ACAT1: variants seen among roughly 807,000 people sequenced by gnomAD.
ACAT1 encodes the protein acetyl-CoA acetyltransferase 1.
Under a neutral mutation model 47.3 loss-of-function variants are expected in ACAT1, and 28 were observed. The ratio of observed to expected loss-of-function variants is 0.59; its 90% confidence interval spans 0.44 to 0.81. The LOEUF is 0.81. ACAT1 is among the 30% of genes least tolerant of loss of function. The pLI, the probability that ACAT1 is intolerant of heterozygous loss-of-function variation, is 0.00. For missense variants in ACAT1, 469 were observed against 524.3 expected (o/e 0.89, Z 1.03); for synonymous variants, 181 against 173.6 (o/e 1.04, Z -0.34).
At chr11:108,140,322 G>A in intron 7 of ACAT1, 107 bp downstream of exon 7, 1 of 1,359,442 alleles carries the variant, frequency 7.4e-7, no homozygotes, top group Middle Eastern at 2.4e-4. Context: ...AACTGCTTAT[G>A]GTTAATAAAA....
At chr11:108,143,935 TAAAAAA>T in intron 9 of ACAT1, 42 bp from the exon 10 acceptor site, 1 of 789,114 alleles carries the variant, frequency 1.3e-6, no homozygotes, top group East Asian at 4.1e-5. Flanking sequence ...TTCTATACAG[TAAAAAA>T]AAAAAGATTT....
intron 5 of ACAT1, chr11:108,138,652 C>A (rs1308863373): frequency 4.3e-6 from 2 of 468,416 alleles, no homozygotes; most frequent in Admixed American, 3.2e-5. Context: ...CTGCCTCAGC[C>A]TTCTAAAGTG....
chr11:108,129,117 A>C (rs1363025735), intron 1 of ACAT1: 1 of 152,018 alleles, frequency 6.6e-6, no homozygotes, highest in Non-Finnish European at 1.5e-5. Context: ...GCTCCCACTT[A>C]TGAGTGAGAA....
intron 1 of ACAT1, among the ~76,000 whole-genome samples, chr11:108,131,649 GC>G (rs1206194391): frequency 6.6e-6 from 1 of 151,924 alleles, no homozygotes; most frequent in Non-Finnish European, 1.5e-5. Context: ...ACCACGCCTG[GC>G]CAAGACTTGG....
At position 108,121,688 on chromosome 11, in the gene ACAT1, G is replaced by T. The variant is rs1324987267; in HGVS notation, c.72+10G>T. On this transcript the variant is annotated intron_variant, in intron 1 of 11. Coordinates refer to ENST00000265838, the MANE Select transcript of ACAT1 (RefSeq NM_000019.4). ...CCGGAGGCTGGTGCAGGTGAGCGGGGTTCGTCCCCACAGCACTCAGACCCG... is the reference window on the plus strand; with the variant it reads ...CCGGAGGCTGGTGCAGGTGAGCGGGTTTCGTCCCCACAGCACTCAGACCCG... 1 of 1,547,580 alleles carries T rather than the reference G, an allele frequency of 6.5e-7. No individual in the cohort carries two copies. Among genetic ancestry groups the T allele is most frequent in the Middle Eastern group, 2.2e-4 (1 of 4,498 alleles).
chr11:108,134,060 C>A, intron 3 of ACAT1, 123 bp downstream of exon 3: 1 of 1,173,080 alleles, frequency 8.5e-7, no homozygotes. Context: ...TTCTGCTTTC[C>A]CTTGTAAAGA....
intron 1 of ACAT1, among the ~76,000 whole-genome samples, chr11:108,130,810 C>T (rs1049631865): frequency 4.6e-5 from 7 of 152,124 alleles, no homozygotes; most frequent in Non-Finnish European, 7.4e-5. Context: ...AGTGCAGTGG[C>T]GTGATCTTGG....
At chr11:108,132,986 A>G (rs1341423508) in intron 2 of ACAT1, among the ~76,000 whole-genome samples, 1 of 151,764 alleles carries the variant, frequency 6.6e-6, no homozygotes, top group Non-Finnish European at 1.5e-5. Flanking sequence ...GGAGTTCAAG[A>G]CCAGCCTGGC....
intron 1 of ACAT1, chr11:108,121,966 GC>G (rs1312627603): frequency 7.7e-6 from 4 of 517,800 alleles, no homozygotes; most frequent in Non-Finnish European, 1.4e-5. Context: ...GGGCAGGACC[GC>G]CAGGATTGGC....
At chr11:108,139,911 A>T in intron 6 of ACAT1, 154 bp from the exon 7 acceptor site, 1 of 861,548 alleles carries the variant, frequency 1.2e-6, no homozygotes, top group Non-Finnish European at 1.7e-6. Flanking sequence ...TTGGCCCCCC[A>T]AAGTGCTGGG....
At chr11:108,134,379 T>C (rs2077421708) in intron 4 of ACAT1, 63 bp downstream of exon 4, 2 of 1,333,666 alleles carry the variant, frequency 1.5e-6, no homozygotes. Context: ...GTGCGGTGGC[T>C]CATGCCTGTA....
chr11:108,143,589 A>C (rs2077635348), intron 9 of ACAT1: 1 of 153,906 alleles, frequency 6.5e-6, no homozygotes, highest in African/African-American at 2.4e-5. Flanking sequence ...TTTTTTTCTT[A>C]GCTTAGATCA....
chr11:108,133,761 T>G lies in ACAT1; in HGVS notation c.121-59T>G, dbSNP rs189471668. 203 of 1,343,864 alleles carry G rather than the reference T, an allele frequency of 1.5e-4. 1 individual carries two copies. In the African/African-American group the frequency reaches 2.3e-3, roughly 16 times the overall value. The allele number at this position is 1,343,864 out of a possible 1,614,324, so 83.2% of individuals were successfully genotyped here. On this transcript the variant is annotated intron_variant, in intron 2 of 11. Transcript: ENST00000265838. ...TTTTTGATAATATATTTATGTTTAT[T>G]TAATGAAATACGATTTGGGTAAAAT...
intron 9 of ACAT1, 69 bp from the exon 10 acceptor site, chr11:108,143,914 G>A: frequency 6.4e-7 from 1 of 1,566,532 alleles, no homozygotes; most frequent in South Asian, 1.1e-5. Context: ...GCTAAACTTG[G>A]CTTGTGCATA....
intron 5 of ACAT1, among the ~76,000 whole-genome samples, chr11:108,137,809 T>C (rs1262125596): frequency 1.3e-5 from 2 of 151,834 alleles, no homozygotes; most frequent in Admixed American, 1.3e-4. Flanking sequence ...TAGCTGGGTG[T>C]GATGGTGCAT....
chr11:108,146,447 CTTAAG>C (rs2077711868), intron 11 of ACAT1, 88 bp downstream of exon 11: 1 of 1,491,650 alleles, frequency 6.7e-7, no homozygotes, highest in Admixed American at 1.8e-5. Flanking sequence ...TCCCATTGCT[CTTAAG>C]TTTTCCTTCC....
At chr11:108,128,361 C>T (rs1180302140) in intron 1 of ACAT1, among the ~76,000 whole-genome samples, 2 of 152,194 alleles carry the variant, frequency 1.3e-5, no homozygotes. Context: ...GAGGCCGAGG[C>T]AGGCGGATCA....
chr11:108,145,480 C>T (rs2077685661), intron 10 of ACAT1, among the ~76,000 whole-genome samples: 1 of 151,906 alleles, frequency 6.6e-6, no homozygotes, highest in African/African-American at 2.4e-5. Flanking sequence ...CTGCAGTGGG[C>T]CATGACTGTG....
chr11:108,129,772 C>G (rs979088205), intron 1 of ACAT1, among the ~76,000 whole-genome samples: 2 of 151,942 alleles, frequency 1.3e-5, no homozygotes, highest in African/African-American at 2.4e-5. Context: ...AGAAAGGGGA[C>G]TTTTTGAAGA....
Sources: allele counts gnomAD v4.1 joint callset (sites outside exome capture counted in the v4.1 genomes callset), GRCh38; gene constraint gnomAD v4.1.1; transcripts MANE v1.5; gene names NCBI Gene and HGNC (gene_info 2026-07-23, HGNC 2026-07-21).